RGS3: variants seen among roughly 807,000 people sequenced by gnomAD.
The protein encoded by RGS3 is regulator of G-protein signalling 3.
In RGS3, 80 loss-of-function variants were observed where a neutral mutation model predicts 132.6. That is an observed-to-expected ratio of 0.60 (90% confidence interval 0.50 to 0.73). RGS3 has a LOEUF of 0.73. Among genes scored for constraint, RGS3 ranks in the 30% least tolerant of loss-of-function variants. The probability of loss-of-function intolerance (pLI) is 0.00; values close to 1 mark genes in which losing one functional copy is unlikely to be tolerated. For missense variants in RGS3, 1,382 were observed against 1,530.8 expected (o/e 0.90, Z 1.62); for synonymous variants, 598 against 620.6 (o/e 0.96, Z 0.54).
chr9:113,559,580 A>T (rs1342508962), intron 19 of RGS3, among the ~76,000 whole-genome samples: 2 of 152,200 alleles, frequency 1.3e-5, no homozygotes, highest in Non-Finnish European at 2.9e-5. Flanking sequence ...TGCGGTCTCA[A>T]GTTGCTGAGA....
chr9:113,549,831 AGTT>A (rs1833257756), intron 19 of RGS3, among the ~76,000 whole-genome samples: 1 of 152,202 alleles, frequency 6.6e-6, no homozygotes, highest in South Asian at 2.1e-4. Flanking sequence ...AGTAATCTTC[AGTT>A]GTTTATCATT....
chr9:113,471,995 G>GA (rs1445226881), intron 3 of RGS3, among the ~76,000 whole-genome samples: 1 of 152,022 alleles, frequency 6.6e-6, no homozygotes, highest in Non-Finnish European at 1.5e-5. Flanking sequence ...TTTTTCCAAA[G>GA]AAAAATGGCT....
chr9:113,543,112 A>T (rs1438705759), intron 19 of RGS3, among the ~76,000 whole-genome samples: 1 of 152,256 alleles, frequency 6.6e-6, no homozygotes, highest in Admixed American at 6.5e-5. Flanking sequence ...GACACGGCTC[A>T]TGGGCAAAAG....
At chr9:113,589,960 C>G (rs1835334004) in intron 20 of RGS3, 2 of 152,222 alleles carry the variant, frequency 1.3e-5, no homozygotes, top group Non-Finnish European at 2.9e-5. Flanking sequence ...TGAAATCACA[C>G]ACCATACGGT....
chr9:113,596,813 C>A, exon 25 of RGS3: 1 of 1,613,442 alleles, frequency 6.2e-7, no homozygotes, highest in South Asian at 1.1e-5. Context: ...GGACAACCTG[C>A]AGAGCGTCAC....
chr9:113,589,516 C>T (rs981635931), intron 20 of RGS3, among the ~76,000 whole-genome samples: 7 of 152,302 alleles, frequency 4.6e-5, no homozygotes, highest in African/African-American at 1.7e-4. Flanking sequence ...TTCCCAGCAG[C>T]GCAGAGGCTG....
intron 16 of RGS3, among the ~76,000 whole-genome samples, chr9:113,518,629 A>G (rs977394858): frequency 1.3e-5 from 2 of 152,130 alleles, no homozygotes; most frequent in Admixed American, 6.5e-5. Context: ...CCAAATGTAC[A>G]TTATCTTTTT....
At chr9:113,457,310 G>A (rs113647053), upstream of RGS3, among the ~76,000 whole-genome samples, 6,105 of 152,038 alleles carry the variant, frequency 0.04, 165 homozygotes, top group South Asian at 0.1. Context: ...TTTTCTTTGG[G>A]CAGTCTTCCT....
chr9:113,523,862 G>C (rs2119416318), intron 17 of RGS3, among the ~76,000 whole-genome samples: 1 of 152,268 alleles, frequency 6.6e-6, no homozygotes, highest in Middle Eastern at 3.4e-3. Context: ...CTTCCTGGCT[G>C]TTTGCAAACT....
chr9:113,462,816 T>C (rs542571178), intron 3 of RGS3, among the ~76,000 whole-genome samples: 2 of 152,336 alleles, frequency 1.3e-5, no homozygotes, highest in Admixed American at 6.5e-5. Flanking sequence ...GAACCACAAA[T>C]ATCCACTTGG....
In RGS3 at chr9:113,544,304, T is replaced by G. The variant is rs1445419857; in HGVS notation, c.2037+7386T>G. On this transcript the variant is annotated intron_variant, in intron 19 of 24. Transcript: ENST00000350696. The stretch of plus-strand genomic sequence containing the variant: ...CCCTCTGATCCCATTTTCATGTTTT[T>G]TTTTTTTTTTTCTTTTTATGTCTCA... 3.3e-5 allele frequency among the ~76,000 whole-genome samples: 5 copies of G among 151,814 alleles called. No homozygotes were observed. In the South Asian group the frequency reaches 8.3e-4, roughly 25 times the overall value.
intron 3 of RGS3, among the ~76,000 whole-genome samples, chr9:113,473,598 A>G (rs1829902740): frequency 6.6e-6 from 1 of 152,050 alleles, no homozygotes; most frequent in Non-Finnish European, 1.5e-5. Context: ...TGTTGCCTAG[A>G]CTGGTCTCAA....
chr9:113,495,826 T>C (rs1042484872), exon 8 of RGS3: 22 of 1,613,990 alleles, frequency 1.4e-5, no homozygotes, highest in Non-Finnish European at 1.9e-5. Context: ...TGGGGTGAAG[T>C]CTCTCCTGAC....
chr9:113,475,499 G>C (rs758025283), intron 3 of RGS3, among the ~76,000 whole-genome samples: 23 of 152,066 alleles, frequency 1.5e-4, no homozygotes, highest in Non-Finnish European at 3.1e-4. Flanking sequence ...TCAACCTCTT[G>C]GGCTCAAGGA....
chr9:113,594,289 A>G (rs369425536), intron 21 of RGS3, 141 bp from the exon 20 acceptor site: 7 of 1,600,724 alleles, frequency 4.4e-6, no homozygotes, highest in African/African-American at 1.3e-5. Context: ...GCTCCGAGGC[A>G]TGTACCTCAC....
chr9:113,461,052 G>C (rs1829459451), intron 1 of RGS3, among the ~76,000 whole-genome samples: 1 of 152,062 alleles, frequency 6.6e-6, no homozygotes, highest in African/African-American at 2.4e-5. Context: ...ATAATGTGTG[G>C]GGTGTGTTTG....
At chr9:113,534,171 C>T (rs933502386) in intron 18 of RGS3, among the ~76,000 whole-genome samples, 4 of 152,224 alleles carry the variant, frequency 2.6e-5, no homozygotes, top group African/African-American at 9.6e-5. Flanking sequence ...TGATAGTCCA[C>T]CCCAGCTCAA....
intron 18 of RGS3, among the ~76,000 whole-genome samples, chr9:113,533,995 C>T (rs1165686638): frequency 2.0e-5 from 3 of 152,242 alleles, no homozygotes; most frequent in Non-Finnish European, 4.4e-5. Context: ...GGCTTTCTTT[C>T]CTCTTTCCCC....
At chr9:113,596,853 G>T (rs1282914425) in exon 25 of RGS3, 2 of 1,613,686 alleles carry the variant, frequency 1.2e-6, no homozygotes, top group African/African-American at 1.3e-5. Context: ...GCACAGAAGC[G>T]CATCTTCGGG....
Sources: allele counts gnomAD v4.1 joint callset (sites outside exome capture counted in the v4.1 genomes callset), GRCh38; gene constraint gnomAD v4.1.1; transcripts MANE v1.5; gene names NCBI Gene and HGNC (gene_info 2026-07-23, HGNC 2026-07-21).